The following ANKH variants were observed in gnomAD, a reference collection of about 807,000 sequenced individuals.
ANKH encodes the protein ANKH inorganic pyrophosphate transport regulator, also known as mineralization regulator ANKH.
Under a neutral mutation model 49.0 loss-of-function variants are expected in ANKH, and 15 were observed. That is an observed-to-expected ratio of 0.31 (90% CI 0.20 to 0.47). The LOEUF (loss-of-function observed/expected upper bound fraction) is 0.47, where lower values mean the gene tolerates loss of function less well. Ranked by LOEUF, ANKH falls within the 20% of genes least tolerant of loss-of-function variation. The pLI is 1.00. For synonymous variants in ANKH, 273 were observed against 260.0 expected (o/e 1.05, Z -0.48); for missense variants, 429 against 652.0 (o/e 0.66, Z 3.72).
chr5:14,801,349 A>G (rs1740561401), intron 1 of ANKH, among the ~76,000 whole-genome samples: 1 of 152,200 alleles, frequency 6.6e-6, no homozygotes, highest in Admixed American at 6.5e-5. Flanking sequence ...CCTGATGATT[A>G]CCAACACTCA....
intron 1 of ANKH, among the ~76,000 whole-genome samples, chr5:14,820,108 T>G (rs1244808175): frequency 6.6e-6 from 1 of 152,208 alleles, no homozygotes; most frequent in Non-Finnish European, 1.5e-5. Flanking sequence ...TTATAAAATT[T>G]TAGGCCAGAT....
chr5:14,781,597 G>A (rs1247070097), intron 1 of ANKH, among the ~76,000 whole-genome samples: 1 of 152,162 alleles, frequency 6.6e-6, no homozygotes, highest in Non-Finnish European at 1.5e-5. Context: ...GCTCCATCAT[G>A]AAAGGGTAGA....
In ANKH at chr5:14,706,826, C is replaced by CA. The variant is rs1402811237; in HGVS notation, c.*4370dup. On this transcript the variant is annotated 3_prime_UTR_variant, in exon 12 of 12. Coordinates refer to ENST00000284268, the MANE Select transcript of ANKH (RefSeq NM_054027.6). Reference sequence around the variant, plus strand: ...AGAGGAGTATCCCAGACACGTTGCTCAAAAACATGCTTTCCTACGGTTTGA... The same window carrying CA: ...AGAGGAGTATCCCAGACACGTTGCTCAAAAAACATGCTTTCCTACGGTTTGA... The CA allele has an allele frequency of 1.4e-4, 21 of 152,300 alleles. No individual in the cohort carries two copies. Among genetic ancestry groups the CA allele is most frequent in the African/African-American group, 4.6e-4 (19 of 41,564 alleles). 9.4% of individuals were successfully genotyped at this position (152,300 alleles called of 1,614,324 possible).
At chr5:14,816,659 T>C (rs576207489) in intron 1 of ANKH, among the ~76,000 whole-genome samples, 1 of 152,348 alleles carries the variant, frequency 6.6e-6, no homozygotes, top group Admixed American at 6.5e-5. Context: ...AGGGTTTCAG[T>C]CGACTTTCTT....
intron 1 of ANKH, among the ~76,000 whole-genome samples, chr5:14,817,309 G>A (rs1434879195): frequency 6.6e-6 from 1 of 151,966 alleles, no homozygotes; most frequent in Non-Finnish European, 1.5e-5. Flanking sequence ...TAAAACGCCA[G>A]GAAAGAAAAG....
At position 14,711,099 on chromosome 5, in the gene ANKH, CAA is replaced by C. The variant is rs771729890; in HGVS notation, c.*96_*97del. On this transcript the variant is annotated 3_prime_UTR_variant, in exon 12 of 12. Transcript: ENST00000284268. ...GGCCTCTTTCATTACCAAAACAAAACAAAAAAAAGGGAACAAAATACGATGGG... is the reference window on the plus strand; with the variant it reads ...GGCCTCTTTCATTACCAAAACAAAACAAAAAAGGGAACAAAATACGATGGG... The C allele has an allele frequency of 1.6e-5, 18 of 1,135,412 alleles. No individual in the cohort carries two copies. The Admixed American group carries it at 2.9e-4, about 18-fold the overall frequency. The allele number at this position is 1,135,412 out of a possible 1,614,324, so 70.3% of individuals were successfully genotyped here. A position where few individuals can be genotyped will look rare whatever the true frequency, so the allele number is the denominator to read the frequency against.
chr5:14,818,756 G>A (rs767872543), intron 1 of ANKH, among the ~76,000 whole-genome samples: 3 of 151,228 alleles, frequency 2.0e-5, no homozygotes, highest in Admixed American at 6.6e-5. Context: ...CACTTCCAAT[G>A]GAAACAGCAA....
At chr5:14,833,821 A>G (rs1741577372) in intron 1 of ANKH, among the ~76,000 whole-genome samples, 1 of 152,172 alleles carries the variant, frequency 6.6e-6, no homozygotes, top group African/African-American at 2.4e-5. Flanking sequence ...CAAGAAGCTT[A>G]CCTACCTACG....
intron 9 of ANKH, among the ~76,000 whole-genome samples, chr5:14,715,171 G>T (rs952944221): frequency 5.9e-5 from 9 of 152,030 alleles, no homozygotes; most frequent in Non-Finnish European, 1.2e-4. Context: ...CACTCTTATT[G>T]CAGAGGCTGG....
At chr5:14,786,045 C>CAAAA (rs71603742) in intron 1 of ANKH, among the ~76,000 whole-genome samples, 9 of 67,184 alleles carry the variant, frequency 1.3e-4, no homozygotes, top group South Asian at 1.3e-3. Flanking sequence ...GACTCTGTCT[C>CAAAA]AAAAAAAAAA....
chr5:14,741,487 GAC>G (rs1738352451), intron 8 of ANKH: 1 of 271,262 alleles, frequency 3.7e-6, no homozygotes, highest in East Asian at 1.0e-4. Flanking sequence ...TTGGAAAAGA[GAC>G]AGGGGTGGTT....
rs548111788 is a variant in ANKH at position 14,708,430 on chromosome 5, G to C, written c.*2767C>G. 2.6e-5 allele frequency: 4 copies of C among 152,332 alleles called. No individual in the cohort carries two copies. The South Asian group carries it at 8.3e-4, about 32-fold the overall frequency. 9.4% of individuals were successfully genotyped at this position (152,332 alleles called of 1,614,324 possible). Reference sequence around the variant, plus strand: ...ACTTTCTAAAATGCAGCTGTCAGCTGAATGCCCTACAATGAAAAATAAATG... The same window carrying C: ...ACTTTCTAAAATGCAGCTGTCAGCTCAATGCCCTACAATGAAAAATAAATG... On this transcript the variant is annotated 3_prime_UTR_variant, in exon 12 of 12. Coordinates refer to ENST00000284268, the MANE Select transcript of ANKH (RefSeq NM_054027.6).
At chr5:14,865,654 T>C (rs898183237) in intron 1 of ANKH, among the ~76,000 whole-genome samples, 5 of 152,306 alleles carry the variant, frequency 3.3e-5, no homozygotes, top group African/African-American at 1.2e-4. Context: ...GAAGAGTCTC[T>C]TCCCTGTTGA....
intron 8 of ANKH, 62 bp from the exon 9 acceptor site, chr5:14,716,897 A>G: frequency 6.3e-7 from 1 of 1,597,512 alleles, no homozygotes; most frequent in Non-Finnish European, 8.6e-7. Flanking sequence ...AAATGAGCAG[A>G]TCAGGTGTGG....
At chr5:14,841,352 A>T (rs1741811218) in intron 1 of ANKH, among the ~76,000 whole-genome samples, 1 of 151,908 alleles carries the variant, frequency 6.6e-6, no homozygotes, top group African/African-American at 2.4e-5. Context: ...GCTAAAGTGC[A>T]ATGGTGCGAC....
At chr5:14,729,912 T>C (rs929263782) in intron 8 of ANKH, among the ~76,000 whole-genome samples, 1 of 152,210 alleles carries the variant, frequency 6.6e-6, no homozygotes, top group Non-Finnish European at 1.5e-5. Flanking sequence ...AGTTGCTCTC[T>C]CTGCGGCCTG....
At chr5:14,854,529 AAAAC>A (rs1198855332) in intron 1 of ANKH, among the ~76,000 whole-genome samples, 1 of 152,100 alleles carries the variant, frequency 6.6e-6, no homozygotes, top group African/African-American at 2.4e-5. Context: ...AACAAAAACA[AAAAC>A]AAACAAACAA....
chr5:14,774,909 T>C (rs1315549436), intron 1 of ANKH, among the ~76,000 whole-genome samples: 1 of 151,960 alleles, frequency 6.6e-6, no homozygotes, highest in Non-Finnish European at 1.5e-5. Flanking sequence ...TTTACTGTGA[T>C]ATGTACTGAA....
chr5:14,754,210 G>A (rs1738806499), intron 4 of ANKH, among the ~76,000 whole-genome samples: 2 of 152,220 alleles, frequency 1.3e-5, no homozygotes, highest in Non-Finnish European at 2.9e-5. Context: ...GCAAGGGCCA[G>A]GATCAGGTTT....
Sources: gnomAD v4.1 joint callset for allele counts (sites outside exome capture counted in the v4.1 genomes callset) on GRCh38, gnomAD v4.1.1 for gene constraint, MANE v1.5 for transcripts, NCBI Gene and HGNC (gene_info 2026-07-23, HGNC 2026-07-21) for gene names.